SH3BGRL3: variants seen among roughly 807,000 people sequenced by gnomAD.
SH3BGRL3 encodes SH3 domain binding glutamate rich protein like 3.
Under a neutral mutation model 11.9 loss-of-function variants are expected in SH3BGRL3, and 8 were observed. That is an observed-to-expected ratio of 0.67 (90% CI 0.40 to 1.22). The LOEUF (loss-of-function observed/expected upper bound fraction) is 1.22, where lower values mean the gene tolerates loss of function less well. Ranked by LOEUF, SH3BGRL3 falls within the 50% of genes most tolerant of loss-of-function variation. The pLI is 0.01. For synonymous variants in SH3BGRL3, 55 were observed against 52.3 expected, an observed-to-expected ratio of 1.05 and a Z score of -0.22; for missense variants, 119 against 120.1, an observed-to-expected ratio of 0.99 and a Z score of 0.04.
chr1:26,280,588 C>T (rs574074260), intron 1 of SH3BGRL3, among the ~76,000 whole-genome samples, 177 bp from the exon 2 acceptor site: 3 of 151,576 alleles, frequency 2.0e-5, no homozygotes, highest in Admixed American at 2.0e-4. Context: ...TCTCTTCATC[C>T]TGCACCACCT....
rs2072949629 is a variant in SH3BGRL3, at chr1:26,280,220, AC to A, written c.48+18del. The A allele has an allele frequency of 6.6e-7, 1 of 1,514,792 alleles. No homozygotes were observed. Among genetic ancestry groups the A allele is most frequent in the Non-Finnish European group, 8.8e-7 (1 of 1,134,664 alleles). The allele number at this position is 1,514,792 out of a possible 1,614,324, so 93.8% of individuals were successfully genotyped here. ...TCCCGCGAAGTAAGTGCGCGCCCGG[AC>A]TGGCGCTGGGGGAAAGCGCAGGGCT... On this transcript the variant is annotated intron_variant, in intron 1 of 2. Transcript: ENST00000270792.
chr1:26,280,726 C>T, intron 1 of SH3BGRL3, 39 bp from the exon 2 acceptor site: 1 of 1,606,988 alleles, frequency 6.2e-7, no homozygotes, highest in South Asian at 1.1e-5. Context: ...ATAAATCCTC[C>T]AGCCTATCCA....
At chr1:26,280,979 T>C (rs748161921) in intron 2 of SH3BGRL3, 47 bp downstream of exon 2, 2 of 1,607,610 alleles carry the variant, frequency 1.2e-6, no homozygotes, top group Admixed American at 3.3e-5. Context: ...GGAAGAGGAC[T>C]CTAGCCAGGG....
chr1:26,280,206 A>T lies in SH3BGRL3; in HGVS notation c.48+3A>T. The stretch of plus-strand genomic sequence containing the variant: ...CGTCGGTCACCGGCTCCCGCGAAGT[A>T]AGTGCGCGCCCGGACTGGCGCTGGG... On this transcript the variant is annotated splice_donor_region_variant and intron_variant, in intron 1 of 2. Transcript: ENST00000270792. 6.5e-7 allele frequency: 1 copy of T among 1,538,256 alleles called. No individual in the cohort carries two copies. The highest frequency in any genetic ancestry group is 1.2e-5 in the South Asian group (1 of 82,550).
Position 26,280,174 on chromosome 1 carries a change from T to C in SH3BGRL3, c.19T>C (p.Tyr7His). 6.4e-7 allele frequency: 1 copy of C among 1,561,846 alleles called. No individual in the cohort carries two copies. Among genetic ancestry groups the C allele is most frequent in the South Asian group, 1.2e-5 (1 of 85,396 alleles). The change falls in exon 1 of 3, where the codon TAC becomes CAC. Residue 7 changes from tyrosine to histidine, a missense_variant. By Grantham distance (83) the Tyr-to-His change is moderately conservative (BLOSUM62 2). Transcript: ENST00000270792. MSGLRV[Y>H]STSVTGSREI... Reference sequence around the variant, plus strand: ...CCCCAGCATGAGCGGCCTGCGCGTCTACAGCACGTCGGTCACCGGCTCCCG... The same window carrying C: ...CCCCAGCATGAGCGGCCTGCGCGTCCACAGCACGTCGGTCACCGGCTCCCG...
Position 26,281,165 on chromosome 1 carries a change from C to T in SH3BGRL3, c.*42C>T, listed in dbSNP as rs762299397. On this transcript the variant is annotated 3_prime_UTR_variant, in exon 3 of 3. Transcript: ENST00000270792. Reference sequence around the variant, plus strand: ...GTTCCCCTGCTGGACTCCATCACCACACTCCCCCCAGCCTTCACCTGGCCA... The same window carrying T: ...GTTCCCCTGCTGGACTCCATCACCATACTCCCCCCAGCCTTCACCTGGCCA... 1 of 1,591,282 alleles carries T rather than the reference C, an allele frequency of 6.3e-7. No homozygotes were observed. Among genetic ancestry groups the T allele is most frequent in the Non-Finnish European group, 8.6e-7 (1 of 1,163,888 alleles).
Position 26,280,122 on chromosome 1 carries a change from CCTCTGCCCGCCGGCCCGT to C in SH3BGRL3, c.-31_-14del, listed in dbSNP as rs762212273. On this transcript the variant is annotated 5_prime_UTR_variant, in exon 1 of 3. Coordinates refer to ENST00000270792, the MANE Select transcript of SH3BGRL3 (RefSeq NM_031286.4). ...GCAGTGCAGCTGCCGCTACCGCCGC[CCTCTGCCCGCCGGCCCGT>C]CTGTCTACCCCCAGCATGAGCGGCC... The C allele has an allele frequency of 3.5e-5, 54 of 1,552,408 alleles. No homozygotes were observed. In the South Asian group the frequency reaches 5.7e-4, roughly 16 times the overall value.
chr1:26,280,885 C>T lies in SH3BGRL3; in HGVS notation c.169C>T (p.Pro57Ser). The change falls in exon 2 of 3, where the codon CCC (proline) becomes TCC (serine). Residue 57 changes from proline to serine, a missense_variant. Transcript: ENST00000270792. ...TGAGATGCGAGCCTTGGCAGGCAAC[C>T]CCAAGGCCACCCCACCCCAGATTGT... ...RDEMRALAGN[P>S]KATPPQIVNG... 6.2e-7 allele frequency: 1 copy of T among 1,613,716 alleles called. No individual in the cohort carries two copies. Among genetic ancestry groups the T allele is most frequent in the Non-Finnish European group, 8.5e-7 (1 of 1,179,926 alleles).
Position 26,281,088 on chromosome 1 carries a change from C to A in SH3BGRL3, c.247C>A (p.Gln83Lys). 6.2e-7 allele frequency: 1 copy of A among 1,613,998 alleles called. No individual in the cohort carries two copies. Among genetic ancestry groups the A allele is most frequent in the Non-Finnish European group, 8.5e-7 (1 of 1,179,984 alleles). Residue 83 changes from glutamine (Q) to lysine (K), a missense_variant, in exon 3 of 3, where the codon CAA becomes AAA. Gln to Lys is a moderately conservative substitution (Grantham distance 53, BLOSUM62 1). Coordinates refer to ENST00000270792, the MANE Select transcript of SH3BGRL3 (RefSeq NM_031286.4). ...DYELFVEAVE[Q>K]NTLQEFLKLA ...TGAGCTCTTCGTGGAGGCTGTGGAA[C>A]AAAACACGCTGCAGGAGTTCCTGAA...
intron 1 of SH3BGRL3, 87 bp downstream of exon 1, chr1:26,280,290 G>A: frequency 7.2e-7 from 1 of 1,390,332 alleles, no homozygotes; most frequent in Non-Finnish European, 9.4e-7. Flanking sequence ...CCCACCCCCA[G>A]GACGGGGGCG....
In SH3BGRL3 at chr1:26,281,239, G is replaced by A. The variant is rs928664163; in HGVS notation, c.*116G>A. 1.6e-5 allele frequency: 16 copies of A among 976,774 alleles called. No individual in the cohort carries two copies. The highest frequency in any genetic ancestry group is 2.3e-5 in the Non-Finnish European group (15 of 653,190). The allele number at this position is 976,774 out of a possible 1,614,324, so 60.5% of individuals were successfully genotyped here. On this transcript the variant is annotated 3_prime_UTR_variant, in exon 3 of 3. Coordinates refer to ENST00000270792, the MANE Select transcript of SH3BGRL3 (RefSeq NM_031286.4). ...CTGTCATTCCTAACCTAACCTTAGA[G>A]TCCCTCCCCCAATGCAGGCCACTTC...
chr1:26,280,752 CCT>C lies in SH3BGRL3; in HGVS notation c.49-10_49-9del. 1 of 1,613,468 alleles carries C rather than the reference CCT, an allele frequency of 6.2e-7. No individual in the cohort carries two copies. The highest frequency in any genetic ancestry group is 8.5e-7 in the Non-Finnish European group (1 of 1,179,754). Reference sequence around the variant, plus strand: ...AGCCTATCCACTAACCCCTACCCACCCTCTGTCCCCAGATCAAGTCCCAGCAG... The same window carrying C: ...AGCCTATCCACTAACCCCTACCCACCCTGTCCCCAGATCAAGTCCCAGCAG... On this transcript the variant is annotated splice_polypyrimidine_tract_variant and intron_variant, in intron 1 of 2. Coordinates refer to ENST00000270792, the MANE Select transcript of SH3BGRL3 (RefSeq NM_031286.4).
Position 26,281,174 on chromosome 1 carries a change from C to G in SH3BGRL3, c.*51C>G, listed in dbSNP as rs371664523. On this transcript the variant is annotated 3_prime_UTR_variant, in exon 3 of 3. Coordinates refer to ENST00000270792, the MANE Select transcript of SH3BGRL3 (RefSeq NM_031286.4). ...CTGGACTCCATCACCACACTCCCCC[C>G]AGCCTTCACCTGGCCATGAAGGACC... 1.2e-4 allele frequency: 183 copies of G among 1,568,910 alleles called. No individual in the cohort carries two copies. Among genetic ancestry groups the G allele is most frequent in the African/African-American group, 2.0e-4 (15 of 73,832 alleles).
At position 26,280,838 on chromosome 1, in the gene SH3BGRL3, C is replaced by T; in HGVS notation, c.122C>T (p.Ser41Phe). The T allele has an allele frequency of 6.2e-7, 1 of 1,614,038 alleles. No homozygotes were observed. Among genetic ancestry groups the T allele is most frequent in the Non-Finnish European group, 8.5e-7 (1 of 1,180,014 alleles). The stretch of plus-strand genomic sequence containing the variant: ...ATCCAATACCAGCTAGTGGACATCT[C>T]CCAGGACAACGCCCTGAGGGATGAG... ...KRIQYQLVDI[S>F]QDNALRDEMR... The change falls in exon 2 of 3, where the codon TCC (serine) becomes TTC (phenylalanine). Residue 41 changes from serine to phenylalanine, a missense_variant. Coordinates refer to ENST00000270792, the MANE Select transcript of SH3BGRL3 (RefSeq NM_031286.4).
At chr1:26,280,725 C>G (rs1557675870) in intron 1 of SH3BGRL3, 40 bp from the exon 2 acceptor site, 1 of 1,606,776 alleles carries the variant, frequency 6.2e-7, no homozygotes, top group Admixed American at 1.7e-5. Context: ...CATAAATCCT[C>G]CAGCCTATCC....
chr1:26,280,665 G>A, intron 1 of SH3BGRL3, 100 bp from the exon 2 acceptor site: 1 of 1,423,582 alleles, frequency 7.0e-7, no homozygotes, highest in Non-Finnish European at 9.7e-7. Context: ...GGGAATGGGG[G>A]GACAAAAGCT....
intron 1 of SH3BGRL3, among the ~76,000 whole-genome samples, chr1:26,280,456 T>C (rs1019991203): frequency 2.0e-5 from 3 of 151,946 alleles, no homozygotes; most frequent in African/African-American, 7.3e-5. Context: ...ACCCATTCTC[T>C]GCACTCCCAC....
Position 26,281,251 on chromosome 1 carries a change from A to C in SH3BGRL3, c.*128A>C. 1 of 800,624 alleles carries C rather than the reference A, an allele frequency of 1.2e-6. No individual in the cohort carries two copies. The highest frequency in any genetic ancestry group is 1.7e-5 in the African/African-American group (1 of 58,100). The allele number at this position is 800,624 out of a possible 1,614,324, so 49.6% of individuals were successfully genotyped here. A position where few individuals can be genotyped will look rare whatever the true frequency, so the allele number is the denominator to read the frequency against. ...ACCTAACCTTAGAGTCCCTCCCCCA[A>C]TGCAGGCCACTTCTCCTCCCTCCTC... On this transcript the variant is annotated 3_prime_UTR_variant, in exon 3 of 3. Coordinates refer to ENST00000270792, the MANE Select transcript of SH3BGRL3 (RefSeq NM_031286.4).
chr1:26,280,596 C>T (rs1176590346), intron 1 of SH3BGRL3, among the ~76,000 whole-genome samples, 169 bp from the exon 2 acceptor site: 1 of 151,672 alleles, frequency 6.6e-6, no homozygotes, highest in Non-Finnish European at 1.5e-5. Context: ...TCCTGCACCA[C>T]CTCAAGCCTG....
Sources: gnomAD v4.1 joint callset for allele counts (sites outside exome capture counted in the v4.1 genomes callset) on GRCh38, gnomAD v4.1.1 for gene constraint, MANE v1.5 for transcripts, NCBI Gene and HGNC (gene_info 2026-07-23, HGNC 2026-07-21) for gene names.